Variants in PPARG observed in about 807,000 individuals in gnomAD.
PPARG encodes the protein peroxisome proliferator activated receptor gamma.
A neutral mutation model predicts 39.2 loss-of-function variants in PPARG; 17 were observed. The ratio of observed to expected loss-of-function variants is 0.43; its 90% CI spans 0.30 to 0.65. PPARG has a LOEUF of 0.65. Ranked by LOEUF, PPARG falls within the 30% of genes least tolerant of loss-of-function variation. The pLI is 0.13. For missense variants in PPARG, 406 were observed against 585.9 expected (o/e 0.69, Z 3.17); for synonymous variants, 223 against 215.7 (o/e 1.03, Z -0.30).
At chr3:12,296,055 C>G (rs2046773352) in intron 1 of PPARG, among the ~76,000 whole-genome samples, 1 of 151,406 alleles carries the variant, frequency 6.6e-6, no homozygotes, top group South Asian at 2.1e-4. Context: ...AGTTTGAGAC[C>G]AGCCTGGCCA....
intron 2 of PPARG, among the ~76,000 whole-genome samples, chr3:12,373,676 G>C (rs570701399): frequency 6.6e-6 from 1 of 151,914 alleles, no homozygotes; most frequent in African/African-American, 2.4e-5. Context: ...AAAAAAAACT[G>C]TGCATAGAAT....
chr3:12,412,807 C>T (rs1452048482), intron 6 of PPARG, among the ~76,000 whole-genome samples: 1 of 152,098 alleles, frequency 6.6e-6, no homozygotes, highest in African/African-American at 2.4e-5. Context: ...ATTTTATGCC[C>T]CACAAAACCT....
chr3:12,366,171 A>G lies in PPARG; in HGVS notation c.-8-13533A>G, dbSNP rs546931634. 7.2e-5 allele frequency among the ~76,000 whole-genome samples: 11 copies of G among 152,212 alleles called. No homozygotes were observed. In the South Asian group the frequency reaches 2.1e-3, roughly 29 times the overall value. On this transcript the variant is annotated intron_variant, in intron 2 of 7. Coordinates refer to ENST00000651735, the MANE Select transcript of PPARG (RefSeq NM_138711.6). ...TTTTCGGGGTGCTAATGTAAAACAA[A>G]ACAGACATTATGAGGAAAATGTAAT...
At chr3:12,418,161 G>T (rs2051141505) in intron 7 of PPARG, among the ~76,000 whole-genome samples, 1 of 151,708 alleles carries the variant, frequency 6.6e-6, no homozygotes, top group Non-Finnish European at 1.5e-5. Context: ...TAGAGATGAG[G>T]TCTCATTATG....
In PPARG at chr3:12,433,935, C is replaced by T. The variant is rs1357480046; in HGVS notation, c.1218C>T (p.Asp406=). The change falls in exon 8 of 8, where the codon GAC becomes GAT. Residue 406 remains aspartate, a synonymous_variant. Coordinates refer to ENST00000651735, the MANE Select transcript of PPARG (RefSeq NM_138711.6). ...PGLLNVKPIE[D]IQDNLLQALE... ...TGCTGAATGTGAAGCCCATTGAAGA[C>T]ATTCAAGACAACCTGCTACAAGCCC... 7 of 1,614,124 alleles carry T rather than the reference C, an allele frequency of 4.3e-6. No homozygotes were observed. Among genetic ancestry groups the T allele is most frequent in the Non-Finnish European group, 5.9e-6 (7 of 1,180,044 alleles).
chr3:12,331,263 T>C (rs1167574087), intron 2 of PPARG, among the ~76,000 whole-genome samples: 4 of 152,128 alleles, frequency 2.6e-5, no homozygotes, highest in Non-Finnish European at 5.9e-5. Flanking sequence ...AGCAGTTGCA[T>C]AGGATGAGTT....
chr3:12,340,453 A>G (rs1021771478), intron 2 of PPARG, among the ~76,000 whole-genome samples: 3 of 152,182 alleles, frequency 2.0e-5, no homozygotes, highest in Admixed American at 1.3e-4. Flanking sequence ...TGCTTACTTT[A>G]GAGTGGTAAA....
chr3:12,304,019 C>T lies in PPARG; in HGVS notation c.-82-8361C>T, dbSNP rs559262438. Among the ~76,000 whole-genome samples the T allele has an allele frequency of 5.3e-5, 8 of 152,348 alleles. No homozygotes were observed. In the South Asian group the frequency reaches 8.3e-4, roughly 16 times the overall value. ...AGATTCAATTTTGAACTTATCTGTACAGTTAGTTCCACAATTCTTTTTAAA... is the reference window on the plus strand; with the variant it reads ...AGATTCAATTTTGAACTTATCTGTATAGTTAGTTCCACAATTCTTTTTAAA... On this transcript the variant is annotated intron_variant, in intron 1 of 7. Transcript: ENST00000651735.
intron 4 of PPARG, among the ~76,000 whole-genome samples, chr3:12,388,309 CAATGAAACAA>C (rs1354651400): frequency 6.6e-6 from 1 of 152,160 alleles, no homozygotes; most frequent in African/African-American, 2.4e-5. Context: ...AAAACAACAT[CAATGAAACAA>C]AATGAAACAA....
rs1346246354 is a variant in PPARG at position 12,381,441 on chromosome 3, G to A, written c.340G>A (p.Asp114Asn). 6.2e-7 allele frequency: 1 copy of A among 1,613,622 alleles called. No homozygotes were observed. Among genetic ancestry groups the A allele is most frequent in the Non-Finnish European group, 8.5e-7 (1 of 1,179,788 alleles). Residue 114 changes from aspartate to asparagine, a missense_variant, in exon 4 of 8, where the codon GAT (aspartate) becomes AAT (asparagine). Asp to Asn is a conservative substitution (Grantham distance 23). Around this residue, in one of 2 missense-constraint regions of PPARG, gnomAD observed 275 missense variants for 458.0 expected, o/e 0.60. Coordinates refer to ENST00000651735, the MANE Select transcript of PPARG (RefSeq NM_138711.6). ...LMAIECRVCGDKASGFHYGVH... is the reference protein window; with the variant it reads ...LMAIECRVCGNKASGFHYGVH... ...GGCAATTGAATGTCGTGTCTGTGGA[G>A]ATAAAGCTTCTGGATTTCACTATGG...
intron 6 of PPARG, among the ~76,000 whole-genome samples, chr3:12,409,093 A>G (rs183144997): frequency 2.0e-5 from 3 of 152,354 alleles, no homozygotes; most frequent in East Asian, 3.9e-4. Flanking sequence ...ATTTTCTTCC[A>G]GTAACTAGGA....
At chr3:12,338,551 T>C (rs2048083211) in intron 2 of PPARG, among the ~76,000 whole-genome samples, 1 of 152,242 alleles carries the variant, frequency 6.6e-6, no homozygotes. Context: ...ATAGCTCTTA[T>C]ATATTTACAC....
intron 6 of PPARG, among the ~76,000 whole-genome samples, chr3:12,407,864 T>C (rs1041858091): frequency 6.6e-6 from 1 of 152,202 alleles, no homozygotes; most frequent in Non-Finnish European, 1.5e-5. Flanking sequence ...TCAACAATAA[T>C]ATACCTGGAT....
intron 7 of PPARG, among the ~76,000 whole-genome samples, chr3:12,427,603 T>C (rs2051497132): frequency 6.6e-6 from 1 of 152,202 alleles, no homozygotes; most frequent in South Asian, 2.1e-4. Context: ...GTCATTGTCT[T>C]GAAAACTAAG....
In PPARG at chr3:12,313,386, C is replaced by T. The variant is rs538304044; in HGVS notation, c.-9+933C>T. Among the ~76,000 whole-genome samples the T allele has an allele frequency of 1.7e-3, 263 of 152,092 alleles. 2 individuals are homozygous for T. The highest frequency in any genetic ancestry group is 6.0e-3 in the African/African-American group (250 of 41,500). On this transcript the variant is annotated intron_variant, in intron 2 of 7. Coordinates refer to ENST00000651735, the MANE Select transcript of PPARG (RefSeq NM_138711.6). ...TGGTTTCCAAATACAGGCTGAGCAT[C>T]CCAAATCTGAAAATCTGAACTTCAA...
chr3:12,301,273 C>A (rs2046918574), intron 1 of PPARG, among the ~76,000 whole-genome samples: 1 of 152,220 alleles, frequency 6.6e-6, no homozygotes, highest in Admixed American at 6.5e-5. Context: ...GTAACAAACT[C>A]TGCTTAGTAC....
At chr3:12,381,863 G>A (rs571657799) in intron 4 of PPARG, among the ~76,000 whole-genome samples, 1 of 152,136 alleles carries the variant, frequency 6.6e-6, no homozygotes, top group South Asian at 2.1e-4. Flanking sequence ...AGGTGTCATG[G>A]CAAGACAGTG....
At chr3:12,335,896 C>T (rs2048000702) in intron 2 of PPARG, among the ~76,000 whole-genome samples, 1 of 151,788 alleles carries the variant, frequency 6.6e-6, no homozygotes, top group African/African-American at 2.4e-5. Context: ...GGACCAAAGA[C>T]GTCGTGACAC....
chr3:12,366,235 G>A (rs1004598121), intron 2 of PPARG, among the ~76,000 whole-genome samples: 1 of 151,814 alleles, frequency 6.6e-6, no homozygotes, highest in Non-Finnish European at 1.5e-5. Context: ...ATTAAATTTC[G>A]CTTGTTCATT....
Sources: allele counts gnomAD v4.1 joint callset (sites outside exome capture counted in the v4.1 genomes callset), GRCh38; gene constraint gnomAD v4.1.1; regional missense constraint gnomAD v4.1.1; transcripts MANE v1.5; gene names NCBI Gene and HGNC (gene_info 2026-07-23, HGNC 2026-07-21).